Variants in MYO1H observed in about 807,000 individuals in gnomAD.
MYO1H encodes myosin IH.
Under a neutral mutation model 149.3 loss-of-function variants are expected in MYO1H, and 118 were observed. The ratio of observed to expected loss-of-function variants is 0.79; its 90% confidence interval spans 0.68 to 0.92. The LOEUF (loss-of-function observed/expected upper bound fraction) is 0.92, where lower values mean the gene tolerates loss of function less well. MYO1H is among the 40% of genes least tolerant of loss of function. MYO1H has a pLI of 0.00. For missense variants in MYO1H, 1,212 were observed against 1,280.7 expected, an observed-to-expected ratio of 0.95 and a Z score of 0.82; for synonymous variants, 447 against 465.2, an observed-to-expected ratio of 0.96 and a Z score of 0.50.
chr12:109,330,664 G>A, the MYO1H span, among the ~76,000 whole-genome samples: 24 of 152,234 alleles, frequency 1.6e-4, no homozygotes, highest in East Asian at 1.2e-3. Context: ...TGGGTCTGGC[G>A]GCTGGAGACA....
intron 1 of MYO1H, among the ~76,000 whole-genome samples, chr12:109,382,145 G>T (rs1312278209): frequency 1.3e-5 from 2 of 152,152 alleles, no homozygotes; most frequent in Non-Finnish European, 2.9e-5. Context: ...CTGACATCCT[G>T]AAAAGACAGC....
chr12:109,344,300 G>T (rs1207087848), upstream of MYO1H, among the ~76,000 whole-genome samples: 4 of 152,048 alleles, frequency 2.6e-5, no homozygotes, highest in South Asian at 2.1e-4. Flanking sequence ...CAGCAAGGTT[G>T]CAGGATACAA....
the MYO1H span, among the ~76,000 whole-genome samples, chr12:109,311,616 A>G: frequency 6.6e-6 from 1 of 152,250 alleles, no homozygotes; most frequent in Non-Finnish European, 1.5e-5. Context: ...GTACTAGGTG[A>G]TGCTTTCACT....
chr12:109,366,175 A>G (rs1030828649), intron 1 of MYO1H, among the ~76,000 whole-genome samples: 1 of 152,212 alleles, frequency 6.6e-6, no homozygotes, highest in Non-Finnish European at 1.5e-5. Flanking sequence ...GACCACCCAG[A>G]TGTGCCTTCT....
chr12:109,318,063 T>G, the MYO1H span, among the ~76,000 whole-genome samples: 1 of 152,210 alleles, frequency 6.6e-6, no homozygotes, highest in East Asian at 1.9e-4. Flanking sequence ...CATTAAAGTA[T>G]CGAACAAAAC....
the MYO1H span, among the ~76,000 whole-genome samples, chr12:109,341,166 G>A: frequency 7.4e-6 from 1 of 135,438 alleles, no homozygotes; most frequent in South Asian, 2.4e-4. Context: ...TCTAGCCTGG[G>A]TGACAGAGCG....
chr12:109,314,898 G>A, the MYO1H span, among the ~76,000 whole-genome samples: 15 of 152,198 alleles, frequency 9.9e-5, no homozygotes, highest in African/African-American at 1.4e-4. Flanking sequence ...CCAGGAATTC[G>A]AGACCAGCTT....
rs1442117430 is a variant in MYO1H at position 109,443,134 on chromosome 12, G to GTGTACGTATA, written c.2689-377_2689-376insACGTATATGT. ...TGTGTGTATATGTGTACGTATATAT[G>GTGTACGTATA]TGTGTATATGTGTACGTATGTGTGT... On this transcript the variant is annotated intron_variant, in intron 27 of 31. Transcript: ENST00000310903. Among the ~76,000 whole-genome samples, 4 of 115,150 alleles carry GTGTACGTATA rather than the reference G, an allele frequency of 3.5e-5. 1 individual carries two copies. The highest frequency in any genetic ancestry group is 2.4e-4 in the East Asian group (1 of 4,110). The allele number at this position is 115,150 out of a possible 152,430, so 75.5% of individuals were successfully genotyped here. A position where few individuals can be genotyped will look rare whatever the true frequency, so the allele number is the denominator to read the frequency against.
chr12:109,388,666 T>TGTTCTATTTCCCGTAGAAA lies in MYO1H; in HGVS notation c.13-15_16dup. ...ACCAAATAGATGAGCTGCTGAAGAATGTTCTATTTCCCGTAGAAAGAAGAC... is the reference window on the plus strand; with the variant it reads ...ACCAAATAGATGAGCTGCTGAAGAATGTTCTATTTCCCGTAGAAAGTTCTATTTCCCGTAGAAAGAAGAC... On this transcript the variant is annotated splice_polypyrimidine_tract_variant and intron_variant, in intron 1 of 31. Transcript: ENST00000310903. The TGTTCTATTTCCCGTAGAAA allele has an allele frequency of 1.3e-6, 2 of 1,533,566 alleles. No individual in the cohort carries two copies. The highest frequency in any genetic ancestry group is 1.8e-6 in the Non-Finnish European group (2 of 1,135,280). 95.0% of individuals were successfully genotyped at this position (1,533,566 alleles called of 1,614,324 possible).
chr12:109,376,701 CA>C (rs1386953986), intron 1 of MYO1H, among the ~76,000 whole-genome samples: 1 of 152,214 alleles, frequency 6.6e-6, no homozygotes, highest in Non-Finnish European at 1.5e-5. Flanking sequence ...TGTAGTTTTA[CA>C]GTATGGCTTG....
At chr12:109,392,345 T>A (rs962073818) in intron 2 of MYO1H, among the ~76,000 whole-genome samples, 1 of 152,218 alleles carries the variant, frequency 6.6e-6, no homozygotes, top group African/African-American at 2.4e-5. Context: ...CATGTATCCC[T>A]TCAGCCTGAA....
intron 16 of MYO1H, among the ~76,000 whole-genome samples, chr12:109,423,510 T>C (rs1044309741): frequency 1.3e-5 from 2 of 152,232 alleles, no homozygotes; most frequent in African/African-American, 4.8e-5. Context: ...TGAGTAGATT[T>C]ACATGGTTGC....
the MYO1H span, among the ~76,000 whole-genome samples, chr12:109,313,470 TCTC>T: frequency 1.3e-4 from 20 of 152,356 alleles, no homozygotes; most frequent in Admixed American, 1.3e-3. Context: ...TGGTCATTGA[TCTC>T]CGCTGCTGTT....
chr12:109,428,620 G>A (rs11609121), intron 19 of MYO1H, among the ~76,000 whole-genome samples: 1 of 152,158 alleles, frequency 6.6e-6, no homozygotes. Flanking sequence ...TTGAATAGCA[G>A]AAATTTCATG....
chr12:109,370,224 T>C (rs1041443478), intron 1 of MYO1H, among the ~76,000 whole-genome samples: 5 of 152,216 alleles, frequency 3.3e-5, no homozygotes, highest in African/African-American at 7.2e-5. Context: ...TTCCCCTCCC[T>C]GGCTGAAGCC....
intron 19 of MYO1H, among the ~76,000 whole-genome samples, chr12:109,432,550 C>T (rs762554656): frequency 2.7e-4 from 41 of 152,300 alleles, no homozygotes; most frequent in Non-Finnish European, 5.3e-4. Flanking sequence ...CACTGCTACA[C>T]CCAATGGCTG....
intron 15 of MYO1H, among the ~76,000 whole-genome samples, chr12:109,418,992 G>A (rs770098483): frequency 4.6e-5 from 7 of 151,992 alleles, no homozygotes; most frequent in African/African-American, 7.3e-5. Flanking sequence ...CAGATAATCC[G>A]TTTATTTTTG....
intron 2 of MYO1H, among the ~76,000 whole-genome samples, 166 bp downstream of exon 2, chr12:109,389,010 T>G (rs1041873401): frequency 2.0e-5 from 3 of 152,198 alleles, no homozygotes; most frequent in African/African-American, 7.2e-5. Context: ...AAGACGTTTA[T>G]GGCTGCCCGT....
chr12:109,349,742 C>T (rs1216864622), intron 1 of MYO1H, among the ~76,000 whole-genome samples: 5 of 150,826 alleles, frequency 3.3e-5, no homozygotes, highest in African/African-American at 9.7e-5. Context: ...AGGCAGATCA[C>T]GAGGTCAGGA....
Sources: gnomAD v4.1 joint callset for allele counts (sites outside exome capture counted in the v4.1 genomes callset) on GRCh38, gnomAD v4.1.1 for gene constraint, MANE v1.5 for transcripts, NCBI Gene and HGNC (gene_info 2026-07-23, HGNC 2026-07-21) for gene names.